TANC2: variants seen among roughly 807,000 people sequenced by gnomAD.
TANC2 encodes tetratricopeptide repeat, ankyrin repeat and coiled-coil containing 2, also known as protein TANC2.
In TANC2, 26 loss-of-function variants were observed where a neutral mutation model predicts 210.5. That is an observed-to-expected ratio of 0.12 (90% confidence interval 0.09 to 0.17). The LOEUF (loss-of-function observed/expected upper bound fraction) is 0.17, where lower values mean the gene tolerates loss of function less well. Ranked by LOEUF, TANC2 falls within the 10% of genes least tolerant of loss-of-function variation. TANC2 has a pLI of 1.00. For synonymous variants in TANC2, 931 were observed against 967.1 expected, an observed-to-expected ratio of 0.96 and a Z score of 0.69; for missense variants, 2,129 against 2,608.9, an observed-to-expected ratio of 0.82 and a Z score of 4.01.
intron 15 of TANC2, among the ~76,000 whole-genome samples, chr17:63,382,070 C>G (rs907020317): frequency 6.6e-6 from 1 of 152,208 alleles, no homozygotes; most frequent in Non-Finnish European, 1.5e-5. Context: ...CAAACTGACG[C>G]TCTTTTCTCC....
chr17:63,268,333 C>G (rs761684563), intron 9 of TANC2, among the ~76,000 whole-genome samples: 1 of 152,166 alleles, frequency 6.6e-6, no homozygotes, highest in Admixed American at 6.5e-5. Context: ...CAACATGACA[C>G]CACAAGTGGA....
chr17:63,421,486 G>A lies in TANC2; in HGVS notation c.5756G>A (p.Ser1919Asn), dbSNP rs1372390913. 1.2e-6 allele frequency: 2 copies of A among 1,613,850 alleles called. No homozygotes were observed. Among genetic ancestry groups the A allele is most frequent in the South Asian group, 1.1e-5 (1 of 91,092 alleles). ...TCTCCAACTCAAGGAGGTTACCCCA[G>A]TGAGCCCACCCGATCCAGGACCACA... The change falls in exon 28 of 28, where the codon AGT (serine) becomes AAT (asparagine). Residue 1919 changes from serine to asparagine, a missense_variant. By Grantham distance (46) the Ser-to-Asn change is conservative. Coordinates refer to ENST00000689528, the Ensembl canonical transcript of TANC2. This position sits in a 1 kb window ranked among gnomAD's most constrained non-coding sequence, Gnocchi z 6.9.
chr17:63,277,898 A>G (rs2043933575), intron 9 of TANC2, among the ~76,000 whole-genome samples: 1 of 152,152 alleles, frequency 6.6e-6, no homozygotes, highest in South Asian at 2.1e-4. Flanking sequence ...CAGGCCGGGT[A>G]CAGTGGATCG....
intron 14 of TANC2, among the ~76,000 whole-genome samples, chr17:63,374,981 G>A (rs932331307): frequency 4.6e-5 from 7 of 152,068 alleles, no homozygotes; most frequent in East Asian, 1.9e-4. Context: ...TAGCTACTAC[G>A]TTTTATGCCT....
In TANC2 at chr17:63,418,188, G is replaced by A; in HGVS notation, c.4168-119G>A. Reference sequence around the variant, plus strand: ...GCTTGAGCCATGTCAGGCACGTCTAGCGTCCCAGGCGTTCCATCCATGAAT... The same window carrying A: ...GCTTGAGCCATGTCAGGCACGTCTAACGTCCCAGGCGTTCCATCCATGAAT... On this transcript the variant is annotated intron_variant, in intron 26 of 27. Coordinates refer to ENST00000689528, the Ensembl canonical transcript of TANC2. The surrounding 1 kb of genome is among the most constrained non-coding windows in gnomAD (Gnocchi z 4.6). 9.8e-7 allele frequency: 1 copy of A among 1,025,246 alleles called. No homozygotes were observed. The highest frequency in any genetic ancestry group is 1.6e-5 in the African/African-American group (1 of 62,600). 63.5% of individuals were successfully genotyped at this position (1,025,246 alleles called of 1,614,324 possible).
chr17:62,977,046 T>A (rs2032045735), intron 1 of TANC2, among the ~76,000 whole-genome samples: 1 of 152,222 alleles, frequency 6.6e-6, no homozygotes, highest in African/African-American at 2.4e-5. Flanking sequence ...CATGCACTCT[T>A]GTGGCAAAAC....
chr17:63,043,390 C>T (rs978956412), intron 2 of TANC2, among the ~76,000 whole-genome samples: 3 of 152,052 alleles, frequency 2.0e-5, no homozygotes, highest in South Asian at 2.1e-4. Context: ...TAATTATAAA[C>T]CCATATACAT....
Position 63,412,444 on chromosome 17 carries a change from C to G in TANC2, c.3899-236C>G, listed in dbSNP as rs2048733367. On this transcript the variant is annotated intron_variant, in intron 23 of 27. Coordinates refer to ENST00000689528, the Ensembl canonical transcript of TANC2. The surrounding 1 kb of genome is among the most constrained non-coding windows in gnomAD (Gnocchi z 4.2). Reference sequence around the variant, plus strand: ...CCCACTCTATCAGCATCCTGGATCTCTGCGCTGCCGTGAGCCTTTGCTTTC... The same window carrying G: ...CCCACTCTATCAGCATCCTGGATCTGTGCGCTGCCGTGAGCCTTTGCTTTC... Among the ~76,000 whole-genome samples, 1 of 152,180 alleles carries G rather than the reference C, an allele frequency of 6.6e-6. No homozygotes were observed. The highest frequency in any genetic ancestry group is 1.5e-5 in the Non-Finnish European group (1 of 68,024).
chr17:63,334,403 A>AATT (rs1485344091), intron 11 of TANC2, among the ~76,000 whole-genome samples: 9 of 152,186 alleles, frequency 5.9e-5, no homozygotes, highest in Non-Finnish European at 1.3e-4. Flanking sequence ...CAAAATTAAT[A>AATT]TAGTATTGAA....
chr17:63,093,609 T>C (rs1039689428), intron 3 of TANC2, among the ~76,000 whole-genome samples: 11 of 152,182 alleles, frequency 7.2e-5, no homozygotes, highest in African/African-American at 2.7e-4. Context: ...CTTTTGTTTT[T>C]CTGTATAAAT....
intron 14 of TANC2, among the ~76,000 whole-genome samples, chr17:63,365,372 T>G (rs565283691): frequency 6.8e-6 from 1 of 146,620 alleles, no homozygotes; most frequent in East Asian, 1.9e-4. Context: ...CAAGTATCTG[T>G]TTGTTTCCAT....
chr17:63,338,011 G>A (rs2046094665), intron 11 of TANC2, among the ~76,000 whole-genome samples: 1 of 152,218 alleles, frequency 6.6e-6, no homozygotes, highest in Non-Finnish European at 1.5e-5. Context: ...TTTTTATGCA[G>A]TCTGCCATTG....
chr17:63,285,817 A>G (rs1004475318), intron 9 of TANC2, among the ~76,000 whole-genome samples: 1 of 152,170 alleles, frequency 6.6e-6, no homozygotes, highest in Admixed American at 6.5e-5. Context: ...TGCCTAACAC[A>G]TACCAAAATT....
chr17:63,149,452 T>TA (rs1056951838), intron 4 of TANC2: 1 of 152,082 alleles, frequency 6.6e-6, no homozygotes, highest in African/African-American at 2.4e-5. Flanking sequence ...TTTCATTATT[T>TA]AAAAAATGTT....
At chr17:63,163,389 G>A (rs1414052531) in intron 5 of TANC2, among the ~76,000 whole-genome samples, 1 of 152,150 alleles carries the variant, frequency 6.6e-6, no homozygotes, top group African/African-American at 2.4e-5. Context: ...TAGAAAAATT[G>A]TTATTGTAAT....
intron 12 of TANC2, among the ~76,000 whole-genome samples, chr17:63,341,050 A>G (rs2046213841): frequency 6.6e-6 from 1 of 152,216 alleles, no homozygotes; most frequent in Non-Finnish European, 1.5e-5. Context: ...ATGTTTTGTT[A>G]GTGCCAGAAG....
chr17:63,004,549 A>C (rs1252707172), intron 1 of TANC2: 1 of 163,100 alleles, frequency 6.1e-6, no homozygotes, highest in Non-Finnish European at 1.3e-5. Context: ...CCTCTTCCCC[A>C]AAAAGCAACA....
At chr17:63,386,644 T>C (rs2047787970) in intron 15 of TANC2, among the ~76,000 whole-genome samples, 1 of 152,212 alleles carries the variant, frequency 6.6e-6, no homozygotes. Flanking sequence ...TTATATGCAC[T>C]TGTATGTATG....
chr17:63,239,306 G>A (rs934320089), intron 8 of TANC2, among the ~76,000 whole-genome samples: 3 of 152,170 alleles, frequency 2.0e-5, no homozygotes, highest in Admixed American at 2.0e-4. Context: ...GACTTTTGAA[G>A]AATAGTTGAA....
Sources: allele counts gnomAD v4.1 joint callset (sites outside exome capture counted in the v4.1 genomes callset), GRCh38; gene constraint gnomAD v4.1.1; non-coding constraint Gnocchi (gnomAD v3.1); transcripts MANE v1.5; gene names NCBI Gene and HGNC (gene_info 2026-07-23, HGNC 2026-07-21).